The following ABTB2 variants were observed in gnomAD, a reference collection of about 807,000 sequenced individuals.
The protein encoded by ABTB2 is ankyrin repeat and BTB/POZ domain-containing protein 2.
A neutral mutation model predicts 104.1 loss-of-function variants in ABTB2; 56 were observed. The observed-to-expected ratio is 0.54, with a 90% CI of 0.43 to 0.67. The LOEUF is 0.67. ABTB2 is among the 30% of genes least tolerant of loss of function. The pLI is 0.00. For synonymous variants in ABTB2, 606 were observed against 608.2 expected (o/e 1.00, Z 0.05); for missense variants, 1,279 against 1,407.7 (o/e 0.91, Z 1.46).
At chr11:34,302,503 A>G (rs192987798) in intron 1 of ABTB2, among the ~76,000 whole-genome samples, 1 of 152,220 alleles carries the variant, frequency 6.6e-6, no homozygotes, top group East Asian at 1.9e-4. Context: ...AGGCCTGCTC[A>G]TTCCCCAGAC....
intron 1 of ABTB2, among the ~76,000 whole-genome samples, chr11:34,221,207 G>A (rs11032563): frequency 1.3e-5 from 2 of 152,044 alleles, no homozygotes; most frequent in Admixed American, 6.6e-5. Flanking sequence ...TCTTGGCCTC[G>A]TGATCCACCT....
chr11:34,300,641 A>G (rs1162293968), intron 1 of ABTB2, among the ~76,000 whole-genome samples: 2 of 151,822 alleles, frequency 1.3e-5, no homozygotes, highest in African/African-American at 4.8e-5. Context: ...GGCTTGCCAA[A>G]TGTAATTGGG....
In ABTB2 at chr11:34,357,712, C is replaced by T; in HGVS notation, c.-129G>A. ...TCCTTCCTCTCTGCGTCGCGGGGCTCGGCGGCCGCATTGCCTGCCCGGAGG... is the reference window on the plus strand; with the variant it reads ...TCCTTCCTCTCTGCGTCGCGGGGCTTGGCGGCCGCATTGCCTGCCCGGAGG... On this transcript the variant is annotated 5_prime_UTR_variant, in exon 1 of 17. Transcript: ENST00000435224. 2 of 1,096,700 alleles carry T rather than the reference C, an allele frequency of 1.8e-6. No individual in the cohort carries two copies. Among genetic ancestry groups the T allele is most frequent in the South Asian group, 2.4e-5 (1 of 40,994 alleles). 67.9% of individuals were successfully genotyped at this position (1,096,700 alleles called of 1,614,324 possible). A position where few individuals can be genotyped will look rare whatever the true frequency, so the allele number is the denominator to read the frequency against.
chr11:34,154,455 C>G lies in ABTB2; in HGVS notation c.2767-77G>C. ...CAGACAGCACCGAACAGAAAGCTCC[C>G]GAGTGCCGTGTGCCCTGCTGCCTCC... On this transcript the variant is annotated intron_variant, in intron 15 of 16. Coordinates refer to ENST00000435224, the MANE Select transcript of ABTB2 (RefSeq NM_145804.3). The surrounding 1 kb of genome is among the most constrained non-coding windows in gnomAD (Gnocchi z 4.9). 9.0e-7 allele frequency: 1 copy of G among 1,113,650 alleles called. No individual in the cohort carries two copies. The highest frequency in any genetic ancestry group is 1.3e-6 in the Non-Finnish European group (1 of 757,760). 69.0% of individuals were successfully genotyped at this position (1,113,650 alleles called of 1,614,324 possible).
intron 1 of ABTB2, among the ~76,000 whole-genome samples, chr11:34,328,924 A>T (rs1855099943): frequency 6.6e-6 from 1 of 152,196 alleles, no homozygotes; most frequent in African/African-American, 2.4e-5. Flanking sequence ...AATTGTCAAC[A>T]CTCAGTTTAG....
chr11:34,185,825 G>A (rs1853090377), intron 3 of ABTB2, among the ~76,000 whole-genome samples: 1 of 152,338 alleles, frequency 6.6e-6, no homozygotes, highest in East Asian at 1.9e-4. Context: ...AGAGGATCTT[G>A]AAAGTTACCA....
intron 3 of ABTB2, among the ~76,000 whole-genome samples, chr11:34,189,843 G>T (rs554245722): frequency 6.6e-6 from 1 of 152,274 alleles, no homozygotes; most frequent in East Asian, 1.9e-4. Flanking sequence ...TGCTGCTGCT[G>T]CTTCTTACTG....
chr11:34,214,864 G>C (rs1853530621), intron 1 of ABTB2, among the ~76,000 whole-genome samples: 1 of 152,138 alleles, frequency 6.6e-6, no homozygotes, highest in African/African-American at 2.4e-5. Context: ...AAAGGTACAT[G>C]AAAGGAAAAC....
chr11:34,292,049 C>T (rs1391442142), intron 1 of ABTB2, among the ~76,000 whole-genome samples: 1 of 152,016 alleles, frequency 6.6e-6, no homozygotes, highest in Non-Finnish European at 1.5e-5. Flanking sequence ...CGACCCTAGC[C>T]CATATATTTT....
chr11:34,273,768 G>A (rs977421132), intron 1 of ABTB2, among the ~76,000 whole-genome samples: 1 of 152,152 alleles, frequency 6.6e-6, no homozygotes, highest in Non-Finnish European at 1.5e-5. Flanking sequence ...AAGGAACTCA[G>A]ACACCTTTGA....
intron 1 of ABTB2, among the ~76,000 whole-genome samples, chr11:34,342,920 C>CATTTATTTATTT (rs3035434): frequency 1.5e-4 from 23 of 148,702 alleles, no homozygotes; most frequent in Non-Finnish European, 2.8e-4. Context: ...ACTCCCATTT[C>CATTTATTTATTT]ATTTATTTAT....
At position 34,356,411 on chromosome 11, in the gene ABTB2, T is replaced by C. The variant is rs1449205746; in HGVS notation, c.883+290A>G. ...TTTCATTTCAAGAGAGGTTCAGGAA[T>C]GGCTTGGTCAAGAGATTCAATCTCA... On this transcript the variant is annotated intron_variant, in intron 1 of 16. Coordinates refer to ENST00000435224, the MANE Select transcript of ABTB2 (RefSeq NM_145804.3). This position sits in a 1 kb window ranked among gnomAD's most constrained non-coding sequence, Gnocchi z 4.6. 6.6e-6 allele frequency among the ~76,000 whole-genome samples: 1 copy of C among 152,186 alleles called. No homozygotes were observed. The highest frequency in any genetic ancestry group is 6.5e-5 in the Admixed American group (1 of 15,276).
chr11:34,165,446 C>T (rs1404505673), intron 7 of ABTB2, 90 bp from the exon 8 acceptor site: 2 of 1,079,702 alleles, frequency 1.9e-6, no homozygotes, highest in Non-Finnish European at 2.7e-6. Flanking sequence ...AGGGCCTTTG[C>T]TTCTCTCCAG....
At chr11:34,341,939 T>C (rs952616091) in intron 1 of ABTB2, among the ~76,000 whole-genome samples, 2 of 152,048 alleles carry the variant, frequency 1.3e-5, no homozygotes, top group Non-Finnish European at 2.9e-5. Flanking sequence ...GTGTAAAGGG[T>C]CCCCCATTAA....
At chr11:34,178,302 A>G (rs7120934) in intron 3 of ABTB2, among the ~76,000 whole-genome samples, 74,739 of 151,716 alleles carry the variant, frequency 0.49, 19,079 homozygotes, top group East Asian at 0.91. Context: ...GAAGGTAAAA[A>G]GAGAAGTAAT....
intron 14 of ABTB2, among the ~76,000 whole-genome samples, chr11:34,156,630 C>A (rs948446784): frequency 6.6e-6 from 1 of 151,760 alleles, no homozygotes; most frequent in Non-Finnish European, 1.5e-5. Flanking sequence ...TTCGAGCGAT[C>A]CTCCTGCCTC....
chr11:34,172,773 C>T lies in ABTB2; in HGVS notation c.1397+382G>A, dbSNP rs538540519. On this transcript the variant is annotated intron_variant, in intron 4 of 16. Coordinates refer to ENST00000435224, the MANE Select transcript of ABTB2 (RefSeq NM_145804.3). ...AATGCACATAAAGAGGAAGGGCTCA[C>T]AGCACCTGCACCCAGGAAGGGCTCC... 3.9e-4 allele frequency among the ~76,000 whole-genome samples: 59 copies of T among 152,308 alleles called. 1 individual carries two copies. Among genetic ancestry groups the T allele is most frequent in the African/African-American group, 1.3e-3 (56 of 41,570 alleles).
intron 1 of ABTB2, among the ~76,000 whole-genome samples, chr11:34,340,019 T>TC (rs1219420560): frequency 1.5e-4 from 23 of 151,160 alleles, no homozygotes; most frequent in African/African-American, 5.6e-4. Context: ...AACTGCACAG[T>TC]ATGCTTCTTA....
chr11:34,339,564 T>A (rs1278479457), intron 1 of ABTB2, among the ~76,000 whole-genome samples: 1 of 152,284 alleles, frequency 6.6e-6, no homozygotes, highest in Non-Finnish European at 1.5e-5. Context: ...GTTACACCAA[T>A]GGCAACACAA....
Sources: allele counts gnomAD v4.1 joint callset (sites outside exome capture counted in the v4.1 genomes callset), GRCh38; gene constraint gnomAD v4.1.1; non-coding constraint Gnocchi (gnomAD v3.1); transcripts MANE v1.5; gene names NCBI Gene and HGNC (gene_info 2026-07-23, HGNC 2026-07-21).